USP9X: variants seen among roughly 807,000 people sequenced by gnomAD.
The protein encoded by USP9X is ubiquitin carboxyl-terminal hydrolase 9X.
In USP9X, 7 loss-of-function variants were observed where a neutral mutation model predicts 190.3. The observed-to-expected ratio is 0.04, with a 90% CI of 0.02 to 0.07. The LOEUF is 0.07. USP9X is among the 10% of genes least tolerant of loss of function. The pLI is 1.00. For synonymous variants in USP9X, 645 were observed against 659.5 expected (o/e 0.98, Z 0.34); for missense variants, 1,010 against 1,916.9 (o/e 0.53, Z 8.83).
At chrX:41,191,974 G>A (rs1449823243) in intron 26 of USP9X, among the ~76,000 whole-genome samples, 1 of 111,091 alleles carries the variant, frequency 9.0e-6, no homozygotes, top group African/African-American at 3.3e-5. Context: ...TTTACTTCAT[G>A]TGTCTTTGAA....
At position 41,186,542 on chromosome X, in the gene USP9X, C is replaced by T; in HGVS notation, c.3584C>T (p.Ala1195Val). 1 of 1,211,188 alleles carries T rather than the reference C, an allele frequency of 8.3e-7. No individual in the cohort carries two copies. The highest frequency in any genetic ancestry group is 1.1e-6 in the Non-Finnish European group (1 of 895,021). ...TQINQVTHDQ[A>V]VVLQSALQSI... ...ATCAACCAAGTTACCCATGATCAAG[C>T]AGTGGTGCTACAAAGTGCCCTTCAG... is the stretch of plus-strand genomic sequence containing the variant. The change falls in exon 24 of 45, where the codon GCA (alanine) becomes GTA (valine). Residue 1195 changes from alanine (A) to valine (V), a missense_variant. Physicochemically the swap from Ala to Val is moderately conservative, Grantham distance 64 (BLOSUM62 0). This residue lies in a region of USP9X where 351 missense variants were observed against 480.8 expected (regional missense o/e 0.73). Coordinates refer to ENST00000378308, the MANE Select transcript of USP9X (RefSeq NM_001039591.3).
At chrX:41,133,545 A>G (rs1317805642) in intron 4 of USP9X, among the ~76,000 whole-genome samples, 4 of 111,770 alleles carry the variant, frequency 3.6e-5, no homozygotes, top group African/African-American at 1.3e-4. Context: ...CAATTAAATT[A>G]TTTTTTACTG....
intron 23 of USP9X, 30 bp downstream of exon 23, chrX:41,184,705 T>C (rs1319095052): frequency 3.6e-6 from 4 of 1,114,361 alleles, no homozygotes; most frequent in Admixed American, 2.5e-5. Flanking sequence ...AATCCTTTTA[T>C]AATAGTAGAT....
chrX:41,101,525 A>G (rs1264777903), intron 1 of USP9X, among the ~76,000 whole-genome samples: 1 of 110,851 alleles, frequency 9.0e-6, no homozygotes, highest in Non-Finnish European at 1.9e-5. Flanking sequence ...AGGTTGGCTC[A>G]CTGCAACCTC....
intron 39 of USP9X, among the ~76,000 whole-genome samples, chrX:41,223,625 C>G (rs1204704029): frequency 9.0e-6 from 1 of 110,996 alleles, no homozygotes. Flanking sequence ...TTAGCAGAGA[C>G]GGGGTTTCGC....
intron 35 of USP9X, 67 bp from the exon 36 acceptor site, chrX:41,217,153 C>T: frequency 1.8e-6 from 2 of 1,130,239 alleles, no homozygotes; most frequent in Non-Finnish European, 1.2e-6. Context: ...TTAATGGAAA[C>T]ACAGACTTGT....
intron 4 of USP9X, 43 bp downstream of exon 4, chrX:41,131,579 G>C: frequency 9.0e-7 from 1 of 1,111,107 alleles, no homozygotes; most frequent in Non-Finnish European, 1.2e-6. Context: ...TATGCTACTA[G>C]ATGTATTTTT....
rs1206899187 is a variant in USP9X at position 41,219,321 on chromosome X, C to T, written c.6565+90C>T. ...GTCAAGTGATGAAATATAATCTGAT[C>T]TGAAGTAGAAACAATTTCCCATAAA... is the stretch of plus-strand genomic sequence containing the variant. On this transcript the variant is annotated intron_variant, in intron 38 of 44. Coordinates refer to ENST00000378308, the MANE Select transcript of USP9X (RefSeq NM_001039591.3). 8 of 926,323 alleles carry T rather than the reference C, an allele frequency of 8.6e-6. No individual in the cohort carries two copies. In the Admixed American group the frequency reaches 2.0e-4, roughly 23 times the overall value. The allele number at this position is 926,323 out of a possible 1,213,427, so 76.3% of individuals were successfully genotyped here.
Position 41,192,084 on chromosome X carries a change from G to A in USP9X, c.3977+2609G>A, listed in dbSNP as rs184525964. Among the ~76,000 whole-genome samples the A allele has an allele frequency of 8.2e-4, 92 of 111,643 alleles. 1 individual carries two copies. In the Middle Eastern group the frequency reaches 0.028, roughly 34 times the overall value. On this transcript the variant is annotated intron_variant, in intron 26 of 44. Coordinates refer to ENST00000378308, the MANE Select transcript of USP9X (RefSeq NM_001039591.3). ...CCTTGATCTTCCCACCTGTAGTGTTGTACTCTTCTAATCTGTTGACTACAC... is the reference window on the plus strand; with the variant it reads ...CCTTGATCTTCCCACCTGTAGTGTTATACTCTTCTAATCTGTTGACTACAC...
intron 2 of USP9X, 38 bp from the exon 3 acceptor site, chrX:41,128,962 T>C (rs1285753078): frequency 2.5e-6 from 3 of 1,181,654 alleles, no homozygotes; most frequent in African/African-American, 3.6e-5. Flanking sequence ...ACATATGTTA[T>C]AGAAACTTAA....
intron 16 of USP9X, among the ~76,000 whole-genome samples, chrX:41,166,840 TTAAG>T (rs1188043649): frequency 1.8e-5 from 2 of 112,309 alleles, no homozygotes; most frequent in Non-Finnish European, 3.8e-5. Flanking sequence ...AAGCTTTTAA[TTAAG>T]TATGTGGTTT....
intron 33 of USP9X, among the ~76,000 whole-genome samples, chrX:41,211,298 A>C (rs1358734321): frequency 1.8e-5 from 2 of 112,415 alleles, no homozygotes; most frequent in Non-Finnish European, 1.9e-5. Context: ...GCCTACTCTT[A>C]CATTCTTTTA....
In USP9X at chrX:41,214,675, C is replaced by A. The variant is rs1181432719; in HGVS notation, c.5297C>A (p.Ala1766Glu). The change falls in exon 34 of 45, where the codon GCA (alanine) becomes GAA (glutamate). Residue 1766 changes from alanine (A) to glutamate (E), a missense_variant. Around this residue, in one of 11 missense-constraint regions of USP9X, gnomAD observed 120 missense variants for 342.7 expected, o/e 0.35. Coordinates refer to ENST00000378308, the MANE Select transcript of USP9X (RefSeq NM_001039591.3). ...GTCAAAGGAGATTTACTAGAAGGTGCAAATGCATATCATTGTGAAAAATGC... is the reference window on the plus strand; with the variant it reads ...GTCAAAGGAGATTTACTAGAAGGTGAAAATGCATATCATTGTGAAAAATGC... ...QYVKGDLLEG[A>E]NAYHCEKCNK... 1 of 1,196,630 alleles carries A rather than the reference C, an allele frequency of 8.4e-7. No homozygotes were observed. Among genetic ancestry groups the A allele is most frequent in the East Asian group, 3.0e-5 (1 of 33,088 alleles).
At chrX:41,230,006 G>C in intron 43 of USP9X, 1 of 492,278 alleles carries the variant, frequency 2.0e-6, no homozygotes, top group Non-Finnish European at 3.1e-6. Flanking sequence ...TTCAAGACCA[G>C]CCTGGCCAAC....
In USP9X at chrX:41,185,067, G is replaced by A. The variant is rs1259226143; in HGVS notation, c.3558+392G>A. Among the ~76,000 whole-genome samples the A allele has an allele frequency of 2.7e-5, 3 of 111,802 alleles. No homozygotes were observed. The Admixed American group carries it at 2.8e-4, about 11-fold the overall frequency. On this transcript the variant is annotated intron_variant, in intron 23 of 44. Transcript: ENST00000378308. ...CCAAGTTCTGAGCTTATTCTGACTC[G>A]GTTTCTGCCTTGGTGGCATTCTTGA...
intron 6 of USP9X, among the ~76,000 whole-genome samples, chrX:41,137,876 T>A (rs1016089372): frequency 8.1e-5 from 9 of 110,795 alleles, no homozygotes; most frequent in Non-Finnish European, 1.7e-4. Flanking sequence ...TCTTTTTAAA[T>A]TTTACTTTTT....
chrX:41,215,340 T>C (rs993058895), intron 34 of USP9X, among the ~76,000 whole-genome samples: 2 of 112,906 alleles, frequency 1.8e-5, no homozygotes, highest in Non-Finnish European at 3.7e-5. Context: ...TTTGGCCTTA[T>C]GCACCACTTA....
intron 1 of USP9X, among the ~76,000 whole-genome samples, chrX:41,096,192 C>T (rs759218092): frequency 1.8e-5 from 2 of 112,594 alleles, no homozygotes; most frequent in South Asian, 3.7e-4. Flanking sequence ...CAAGTGTCAT[C>T]TTCCCCCCCG....
At chrX:41,194,506 A>G (rs1362225893) in intron 26 of USP9X, among the ~76,000 whole-genome samples, 1 of 111,418 alleles carries the variant, frequency 9.0e-6, no homozygotes, top group African/African-American at 3.3e-5. Flanking sequence ...GTGAGCCGAG[A>G]TGTTGCCATT....
Sources: gnomAD v4.1 joint callset for allele counts (sites outside exome capture counted in the v4.1 genomes callset) on GRCh38, gnomAD v4.1.1 for gene constraint, gnomAD v4.1.1 regional missense constraint, MANE v1.5 for transcripts, NCBI Gene and HGNC (gene_info 2026-07-23, HGNC 2026-07-21) for gene names.